The following KIF16B variants were observed in gnomAD, a reference collection of about 807,000 sequenced individuals.
KIF16B encodes the protein kinesin-like protein KIF16B.
Under a neutral mutation model 156.3 loss-of-function variants are expected in KIF16B, and 98 were observed. That is an observed-to-expected ratio of 0.63 (90% CI 0.53 to 0.74). The LOEUF (loss-of-function observed/expected upper bound fraction) is 0.74. Among genes scored for constraint, KIF16B ranks in the 30% least tolerant of loss-of-function variants. The pLI is 0.00. For synonymous variants in KIF16B, 564 were observed against 583.7 expected, an observed-to-expected ratio of 0.97 and a Z score of 0.49; for missense variants, 1,421 against 1,606.5, an observed-to-expected ratio of 0.88 and a Z score of 1.97.
intron 12 of KIF16B, among the ~76,000 whole-genome samples, chr20:16,475,511 G>C (rs1397297210): frequency 6.6e-6 from 1 of 152,176 alleles, no homozygotes; most frequent in Non-Finnish European, 1.5e-5. Flanking sequence ...AAGGAGCTGG[G>C]AGAAATTCGA....
At chr20:16,510,044 T>C (rs2068907899) in intron 6 of KIF16B, among the ~76,000 whole-genome samples, 1 of 152,236 alleles carries the variant, frequency 6.6e-6, no homozygotes, top group Non-Finnish European at 1.5e-5. Flanking sequence ...TACTTTTTTT[T>C]CCTCCTACAC....
chr20:16,274,767 T>G (rs757253137), intron 25 of KIF16B, among the ~76,000 whole-genome samples: 2 of 152,244 alleles, frequency 1.3e-5, no homozygotes, highest in Non-Finnish European at 2.9e-5. Flanking sequence ...ACCTGGTGGA[T>G]GCTGGCCAGG....
At chr20:16,327,337 C>A (rs189694823) in intron 24 of KIF16B, among the ~76,000 whole-genome samples, 2 of 152,072 alleles carry the variant, frequency 1.3e-5, no homozygotes, top group African/African-American at 4.8e-5. Context: ...ACATTGGGTA[C>A]AGTTTACACT....
At chr20:16,283,790 A>C (rs961305827) in intron 25 of KIF16B, among the ~76,000 whole-genome samples, 7 of 152,174 alleles carry the variant, frequency 4.6e-5, no homozygotes, top group Non-Finnish European at 1.0e-4. Context: ...CGAAGGTGTT[A>C]AAAAGGCTGG....
chr20:16,314,269 G>A (rs574427516), intron 24 of KIF16B, among the ~76,000 whole-genome samples: 8 of 152,250 alleles, frequency 5.3e-5, no homozygotes, highest in Admixed American at 1.3e-4. Context: ...TTTTAAATTC[G>A]TTGTCTGCCT....
intron 15 of KIF16B, among the ~76,000 whole-genome samples, chr20:16,414,103 T>C (rs115251083): frequency 3.3e-5 from 5 of 152,108 alleles, no homozygotes; most frequent in African/African-American, 9.7e-5. Flanking sequence ...TTAAGTAATA[T>C]GTTCTAGGGC....
At chr20:16,397,768 T>A (rs867417987) in intron 17 of KIF16B, among the ~76,000 whole-genome samples, 4 of 152,256 alleles carry the variant, frequency 2.6e-5, no homozygotes, top group Middle Eastern at 3.4e-3. Context: ...TAGAAACACA[T>A]CTGTGTGGGT....
chr20:16,491,273 G>A (rs1600530722), intron 12 of KIF16B, among the ~76,000 whole-genome samples: 1 of 152,262 alleles, frequency 6.6e-6, no homozygotes, highest in South Asian at 2.1e-4. Context: ...GGACTCCAGG[G>A]GTGGTGGGCA....
chr20:16,541,013 A>C (rs1458865879), intron 1 of KIF16B, among the ~76,000 whole-genome samples: 1 of 152,134 alleles, frequency 6.6e-6, no homozygotes, highest in African/African-American at 2.4e-5. Context: ...CTGCACCCTC[A>C]GTACCCAGCA....
intron 15 of KIF16B, among the ~76,000 whole-genome samples, chr20:16,415,811 C>T (rs1303044785): frequency 6.6e-6 from 1 of 152,146 alleles, no homozygotes; most frequent in African/African-American, 2.4e-5. Flanking sequence ...CTAAACCACC[C>T]TCTGGGAGGA....
chr20:16,484,853 A>G (rs967673180), intron 12 of KIF16B, among the ~76,000 whole-genome samples: 2 of 152,172 alleles, frequency 1.3e-5, no homozygotes, highest in African/African-American at 4.8e-5. Flanking sequence ...ACTCATACAT[A>G]CACAGTTGCA....
intron 15 of KIF16B, among the ~76,000 whole-genome samples, chr20:16,412,381 T>C (rs1390922696): frequency 6.6e-6 from 1 of 151,960 alleles, no homozygotes; most frequent in Non-Finnish European, 1.5e-5. Context: ...TTTCAAGAAG[T>C]CTATGAATGA....
Position 16,334,568 on chromosome 20 carries a change from T to C in KIF16B, c.3711+1358A>G, listed in dbSNP as rs571030763. ...CTTAAGATATGGTTTGGATGTGTGTTCCTTCCAAATCTCATGTTGAAATAT... is the reference window on the plus strand; with the variant it reads ...CTTAAGATATGGTTTGGATGTGTGTCCCTTCCAAATCTCATGTTGAAATAT... On this transcript the variant is annotated intron_variant, in intron 24 of 25. Coordinates refer to ENST00000354981, the MANE Select transcript of KIF16B (RefSeq NM_024704.5). Among the ~76,000 whole-genome samples the C allele has an allele frequency of 1.4e-4, 21 of 152,340 alleles. 1 individual carries two copies. Among genetic ancestry groups the C allele is most frequent in the Admixed American group, 1.0e-3 (16 of 15,294 alleles).
intron 1 of KIF16B, among the ~76,000 whole-genome samples, chr20:16,572,524 AAG>A (rs1167838180): frequency 6.6e-6 from 1 of 152,266 alleles, no homozygotes; most frequent in Non-Finnish European, 1.5e-5. Flanking sequence ...ACGGATTAAA[AAG>A]AGGTCATTGA....
chr20:16,359,998 AT>A (rs1478566073), intron 22 of KIF16B, among the ~76,000 whole-genome samples: 1 of 152,238 alleles, frequency 6.6e-6, no homozygotes, highest in Non-Finnish European at 1.5e-5. Context: ...TACTGATTTC[AT>A]ATGAACTAAA....
chr20:16,457,295 C>T (rs1005418616), intron 12 of KIF16B, among the ~76,000 whole-genome samples: 2 of 151,954 alleles, frequency 1.3e-5, no homozygotes, highest in East Asian at 1.9e-4. Flanking sequence ...TGGTCCACTG[C>T]CAAATGACAA....
At chr20:16,544,854 G>GATGAATGAATGA (rs145984561) in intron 1 of KIF16B, among the ~76,000 whole-genome samples, 1 of 151,868 alleles carries the variant, frequency 6.6e-6, no homozygotes, top group African/African-American at 2.4e-5. Flanking sequence ...GCAAACACTT[G>GATGAATGAATGA]ATGAATGAAT....
chr20:16,374,464 T>C, intron 19 of KIF16B, 55 bp from the exon 20 acceptor site: 2 of 1,445,176 alleles, frequency 1.4e-6, no homozygotes, highest in South Asian at 1.7e-5. Flanking sequence ...CCGAGCATCC[T>C]TACTGTGTGA....
At chr20:16,496,669 C>T (rs1243549588) in intron 11 of KIF16B, among the ~76,000 whole-genome samples, 2 of 152,068 alleles carry the variant, frequency 1.3e-5, no homozygotes, top group Non-Finnish European at 2.9e-5. Context: ...TTCATGAAAA[C>T]TATTGTTAAG....
Sources: gnomAD v4.1 joint callset for allele counts (sites outside exome capture counted in the v4.1 genomes callset) on GRCh38, gnomAD v4.1.1 for gene constraint, MANE v1.5 for transcripts, NCBI Gene and HGNC (gene_info 2026-07-23, HGNC 2026-07-21) for gene names.